The following TPGS1 variants were observed in gnomAD, a reference collection of about 807,000 sequenced individuals.
TPGS1 encodes the protein gene trap ROSA b-geo 22.
In TPGS1, 18 loss-of-function variants were observed where a neutral mutation model predicts 11.9. The ratio of observed to expected loss-of-function variants is 1.51; its 90% CI spans 1.04 to 2.24. TPGS1 has a LOEUF of 2.24. Among genes scored for constraint, TPGS1 ranks in the 30% most tolerant of loss-of-function variants. The pLI, the probability that TPGS1 is intolerant of heterozygous loss-of-function variation, is 0.00. For missense variants in TPGS1, 500 were observed against 443.0 expected, an observed-to-expected ratio of 1.13 and a Z score of -1.16; for synonymous variants, 247 against 218.2, an observed-to-expected ratio of 1.13 and a Z score of -1.16.
At chr19:516,673 G>T (rs983111011) in intron 1 of TPGS1, among the ~76,000 whole-genome samples, 1 of 152,172 alleles carries the variant, frequency 6.6e-6, no homozygotes, top group Non-Finnish European at 1.5e-5. Context: ...GTGAGCCACC[G>T]TGCCTGGCCA....
chr19:508,017 C>CG, intron 1 of TPGS1, 173 bp downstream of exon 1: 4 of 487,790 alleles, frequency 8.2e-6, no homozygotes, highest in Non-Finnish European at 1.3e-5. Context: ...CTGGAGGGTC[C>CG]GGGCTTCGGT....
chr19:511,972 C>T (rs912285619), intron 1 of TPGS1, among the ~76,000 whole-genome samples: 10 of 152,158 alleles, frequency 6.6e-5, no homozygotes, highest in East Asian at 1.9e-4. Flanking sequence ...CCTGGGTTGA[C>T]GCCATTCTCC....
intron 1 of TPGS1, among the ~76,000 whole-genome samples, chr19:515,061 C>T (rs1010194637): frequency 1.3e-5 from 2 of 152,212 alleles, no homozygotes; most frequent in Admixed American, 6.5e-5. Flanking sequence ...TTCAGCTTTG[C>T]GTGGCAGCCT....
intron 1 of TPGS1, among the ~76,000 whole-genome samples, chr19:510,839 C>T (rs892641663): frequency 2.0e-5 from 3 of 152,236 alleles, no homozygotes; most frequent in Non-Finnish European, 4.4e-5. Context: ...AGGGTTCCCC[C>T]GACTCGTCCT....
intron 1 of TPGS1, among the ~76,000 whole-genome samples, chr19:518,602 G>T (rs1368885943): frequency 1.6e-5 from 2 of 125,198 alleles, no homozygotes; most frequent in Admixed American, 1.6e-4. Context: ...ATGCTGGGGG[G>T]AGGAGAGGCC....
chr19:519,521 C>A lies in TPGS1; in HGVS notation c.*98C>A. On this transcript the variant is annotated 3_prime_UTR_variant, in exon 2 of 2. Transcript: ENST00000359315. ...TCGCCCTGGTGAGGCCCTGCCATAA[C>A]CAGGCGCCCAGCCCTGCGGAGGAGG... 9.3e-7 allele frequency: 1 copy of A among 1,077,974 alleles called. No homozygotes were observed. Among genetic ancestry groups the A allele is most frequent in the Non-Finnish European group, 1.2e-6 (1 of 869,434 alleles). 66.8% of individuals were successfully genotyped at this position (1,077,974 alleles called of 1,614,324 possible).
At position 507,860 on chromosome 19, in the gene TPGS1, G is replaced by T; in HGVS notation, c.338+16G>T. On this transcript the variant is annotated intron_variant, in intron 1 of 1. Transcript: ENST00000359315. Reference sequence around the variant, plus strand: ...ACTCCCAGAGGTGCGCAGTGGGCCGGCTTGGGCGGGTGGGGCAGCGATGGA... The same window carrying T: ...ACTCCCAGAGGTGCGCAGTGGGCCGTCTTGGGCGGGTGGGGCAGCGATGGA... 2.3e-6 allele frequency: 3 copies of T among 1,313,662 alleles called. No homozygotes were observed. Among genetic ancestry groups the T allele is most frequent in the Non-Finnish European group, 2.9e-6 (3 of 1,031,162 alleles). 81.4% of individuals were successfully genotyped at this position (1,313,662 alleles called of 1,614,324 possible). A position where few individuals can be genotyped will look rare whatever the true frequency, so the allele number is the denominator to read the frequency against.
intron 1 of TPGS1, among the ~76,000 whole-genome samples, chr19:516,471 A>G (rs1359700034): frequency 6.8e-6 from 1 of 146,220 alleles, no homozygotes; most frequent in African/African-American, 2.6e-5. Flanking sequence ...CGCAACCTCC[A>G]CCTCCCAGGT....
At chr19:511,178 G>A (rs1025263535) in intron 1 of TPGS1, among the ~76,000 whole-genome samples, 3 of 152,350 alleles carry the variant, frequency 2.0e-5, no homozygotes, top group South Asian at 2.1e-4. Flanking sequence ...AGAGGCCACC[G>A]TCACAGGCAG....
chr19:511,468 G>A (rs186608433), intron 1 of TPGS1, among the ~76,000 whole-genome samples: 1 of 152,234 alleles, frequency 6.6e-6, no homozygotes, highest in Non-Finnish European at 1.5e-5. Context: ...AAGCAGGTGG[G>A]GCCTCCCACA....
At position 518,885 on chromosome 19, in the gene TPGS1, G is replaced by A. The variant is rs759018101; in HGVS notation, c.339-4G>A. On this transcript the variant is annotated splice_polypyrimidine_tract_variant and splice_region_variant and intron_variant, in intron 1 of 1. Transcript: ENST00000359315. ...GCCGGCCCCCAACGTCCCCGTCTCC[G>A]CAGGGCCGCCTTCAACAACAACGTG... 17 of 1,513,072 alleles carry A rather than the reference G, an allele frequency of 1.1e-5. No homozygotes were observed. The highest frequency in any genetic ancestry group is 8.1e-5 in the Admixed American group (4 of 49,626). The allele number at this position is 1,513,072 out of a possible 1,614,324, so 93.7% of individuals were successfully genotyped here.
chr19:519,083 T>A lies in TPGS1; in HGVS notation c.533T>A (p.Leu178Gln). The change falls in exon 2 of 2, where the codon CTG becomes CAG. Residue 178 changes from leucine (L) to glutamine (Q), a missense_variant. Coordinates refer to ENST00000359315, the MANE Select transcript of TPGS1 (RefSeq NM_033513.3). ...VQCRDHEAVP[L>Q]SVFRAGTLTC... ...TGCCGTGACCACGAGGCGGTGCCGC[T>A]GAGCGTCTTCCGCGCGGGCACACTC... The A allele has an allele frequency of 6.5e-7, 1 of 1,533,822 alleles. No individual in the cohort carries two copies. The highest frequency in any genetic ancestry group is 8.7e-7 in the Non-Finnish European group (1 of 1,146,244).
chr19:519,543 G>T lies in TPGS1; in HGVS notation c.*120G>T, dbSNP rs1979086712. 2 of 982,056 alleles carry T rather than the reference G, an allele frequency of 2.0e-6. No individual in the cohort carries two copies. The highest frequency in any genetic ancestry group is 2.6e-6 in the Non-Finnish European group (2 of 781,334). The allele number at this position is 982,056 out of a possible 1,614,324, so 60.8% of individuals were successfully genotyped here. A position where few individuals can be genotyped will look rare whatever the true frequency, so the allele number is the denominator to read the frequency against. ...TAACCAGGCGCCCAGCCCTGCGGAG[G>T]AGGCCGGGGCTCCCAGGAAGCGGAC... On this transcript the variant is annotated 3_prime_UTR_variant, in exon 2 of 2. Coordinates refer to ENST00000359315, the MANE Select transcript of TPGS1 (RefSeq NM_033513.3).
At chr19:512,881 C>T (rs953358122) in intron 1 of TPGS1, among the ~76,000 whole-genome samples, 35 of 152,210 alleles carry the variant, frequency 2.3e-4, no homozygotes, top group African/African-American at 8.0e-4. Flanking sequence ...TGGGCAGCCG[C>T]CATGCGGTGG....
intron 1 of TPGS1, 29 bp downstream of exon 1, chr19:507,873 G>C (rs1003325670): frequency 7.7e-7 from 1 of 1,301,318 alleles, no homozygotes; most frequent in Non-Finnish European, 9.8e-7. Flanking sequence ...TGGGCGGGTG[G>C]GGCAGCGATG....
At position 518,768 on chromosome 19, in the gene TPGS1, AGGGGAGGCCAGGGCTGGCTGGGGGGTC is replaced by A. The variant is rs947922930; in HGVS notation, c.339-112_339-86del. 1.3e-5 allele frequency: 12 copies of A among 925,018 alleles called. No individual in the cohort carries two copies. The African/African-American group carries it at 2.0e-4, about 15-fold the overall frequency. The allele number at this position is 925,018 out of a possible 1,614,324, so 57.3% of individuals were successfully genotyped here. On this transcript the variant is annotated intron_variant, in intron 1 of 1. Coordinates refer to ENST00000359315, the MANE Select transcript of TPGS1 (RefSeq NM_033513.3). ...GGCCGGGGATGGGGGGTAGGAGGAG[AGGGGAGGCCAGGGCTGGCTGGGGGGTC>A]GGGGAGGCTAGGGCATAGGCCTGGC...
chr19:509,977 C>A (rs1257028299), intron 1 of TPGS1: 1 of 152,366 alleles, frequency 6.6e-6, no homozygotes, highest in South Asian at 2.1e-4. Context: ...ATTCTGTGCT[C>A]ATGGAGCCAG....
At chr19:508,021 C>G (rs1033465602) in intron 1 of TPGS1, 177 bp downstream of exon 1, 1 of 474,328 alleles carries the variant, frequency 2.1e-6, no homozygotes, top group Non-Finnish European at 3.4e-6. Flanking sequence ...AGGGTCCGGG[C>G]TTCGGTCCGG....
In TPGS1 at chr19:519,419, G is replaced by A. The variant is rs1484366953; in HGVS notation, c.869G>A (p.Gly290Asp). ...ALFIAKVKPV[G>D] ...TTCATCGCGAAGGTCAAGCCGGTGG[G>A]CTGAGGCCCGTGGGCCGCGCGGATC... is the stretch of plus-strand genomic sequence containing the variant. The change falls in exon 2 of 2, where the codon GGC becomes GAC. Residue 290 changes from glycine (G) to aspartate (D), a missense_variant. Physicochemically the swap from Gly to Asp is moderately conservative, Grantham distance 94 (BLOSUM62 -1). Coordinates refer to ENST00000359315, the MANE Select transcript of TPGS1 (RefSeq NM_033513.3). The A allele has an allele frequency of 2.5e-6, 3 of 1,216,486 alleles. No individual in the cohort carries two copies. The highest frequency in any genetic ancestry group is 1.6e-5 in the African/African-American group (1 of 63,052). The allele number at this position is 1,216,486 out of a possible 1,614,324, so 75.4% of individuals were successfully genotyped here.
Sources: allele counts gnomAD v4.1 joint callset (sites outside exome capture counted in the v4.1 genomes callset), GRCh38; gene constraint gnomAD v4.1.1; transcripts MANE v1.5; gene names NCBI Gene and HGNC (gene_info 2026-07-23, HGNC 2026-07-21).